The following ABI3BP variants were observed in gnomAD, a reference collection of about 807,000 sequenced individuals.
The protein encoded by ABI3BP is ABI family member 3 binding protein.
A neutral mutation model predicts 268.6 loss-of-function variants in ABI3BP; 216 were observed. The observed-to-expected ratio is 0.80, with a 90% confidence interval of 0.72 to 0.90. The LOEUF is 0.90. Ranked by LOEUF, ABI3BP falls within the 40% of genes least tolerant of loss-of-function variation. The pLI is 0.00. For missense variants in ABI3BP, 2,090 were observed against 2,182.4 expected, an observed-to-expected ratio of 0.96 and a Z score of 0.84; for synonymous variants, 730 against 730.0, an observed-to-expected ratio of 1.00 and a Z score of 0.00.
chr3:100,914,716 GACA>G (rs879782638), intron 2 of ABI3BP, among the ~76,000 whole-genome samples: 2 of 152,292 alleles, frequency 1.3e-5, no homozygotes, highest in Non-Finnish European at 1.5e-5. Flanking sequence ...ATGGGAGGAA[GACA>G]ACGTTAAAGG....
intron 6 of ABI3BP, among the ~76,000 whole-genome samples, chr3:100,882,742 A>G (rs1303540403): frequency 6.6e-6 from 1 of 152,094 alleles, no homozygotes; most frequent in African/African-American, 2.4e-5. Flanking sequence ...ATCTTTCCCA[A>G]TCTTGCTGAG....
Position 100,754,651 on chromosome 3 carries a change from C to T in ABI3BP, c.4891G>A (p.Gly1631Ser). The change falls in exon 64 of 68, where the codon GGC becomes AGC. Residue 1631 changes from glycine (G) to serine (S), a missense_variant. Physicochemically the swap from Gly to Ser is moderately conservative, Grantham distance 56 (BLOSUM62 0). Coordinates refer to ENST00000471714, the MANE Select transcript of ABI3BP (RefSeq NM_001375547.2). ...QVKPKNPLGE[G>S]PVSNTVAFST... ...AATGCCACTGTGTTGCTGACCGGGC[C>T]TTCACCAAGCGGGTTTTTGGGTTTC... 9 of 1,593,150 alleles carry T rather than the reference C, an allele frequency of 5.6e-6. No individual in the cohort carries two copies. The highest frequency in any genetic ancestry group is 7.7e-6 in the Non-Finnish European group (9 of 1,168,822).
chr3:100,981,030 T>C (rs943593996), intron 1 of ABI3BP, among the ~76,000 whole-genome samples: 5 of 152,320 alleles, frequency 3.3e-5, no homozygotes, highest in East Asian at 1.9e-4. Flanking sequence ...TCGAGGGACA[T>C]AGTGATTTAT....
intron 63 of ABI3BP, among the ~76,000 whole-genome samples, chr3:100,763,739 A>T (rs1471025551): frequency 6.6e-6 from 1 of 152,214 alleles, no homozygotes; most frequent in Non-Finnish European, 1.5e-5. Flanking sequence ...AATAAAATGC[A>T]TCTTAGCCCT....
At position 100,801,439 on chromosome 3, in the gene ABI3BP, AAG is replaced by A. The variant is rs1553868213; in HGVS notation, c.3757+3351_3757+3352del. ...TGATATCCTGTCAAAAAAAAAAAAA[AAG>A]AAAAGAAAAGAAAAGAAAAAAAGAT... On this transcript the variant is annotated intron_variant, in intron 51 of 67. Transcript: ENST00000471714. 3.0e-3 allele frequency among the ~76,000 whole-genome samples: 382 copies of A among 127,012 alleles called. 1 individual carries two copies. The highest frequency in any genetic ancestry group is 7.5e-3 in the African/African-American group (235 of 31,376). 83.3% of individuals were successfully genotyped at this position (127,012 alleles called of 152,430 possible).
intron 2 of ABI3BP, chr3:100,911,153 CT>C: frequency 2.6e-6 from 1 of 381,518 alleles, no homozygotes; most frequent in South Asian, 2.8e-5. Context: ...AAGTCTAAGG[CT>C]TTATGCTTAA....
At position 100,749,336 on chromosome 3, in the gene ABI3BP, T is replaced by TAA; in HGVS notation, c.*1157_*1158dup. The TAA allele has an allele frequency of 3.9e-5, 5 of 129,748 alleles. No individual in the cohort carries two copies. The highest frequency in any genetic ancestry group is 2.6e-4 in the East Asian group (2 of 7,764). The allele number at this position is 129,748 out of a possible 1,614,324, so 8.0% of individuals were successfully genotyped here. ...GAAATAACAAACAAAAACTCAATCT[T>TAA]AAAAAAAAACTACATCTCTTTATTG... On this transcript the variant is annotated 3_prime_UTR_variant, in exon 68 of 68. Coordinates refer to ENST00000471714, the MANE Select transcript of ABI3BP (RefSeq NM_001375547.2).
intron 57 of ABI3BP, among the ~76,000 whole-genome samples, chr3:100,786,717 T>C (rs1383937234): frequency 6.6e-6 from 1 of 152,278 alleles, no homozygotes; most frequent in East Asian, 1.9e-4. Context: ...TCTGAAAAAT[T>C]GTGCACCATC....
chr3:100,899,258 C>T (rs1378586330), intron 3 of ABI3BP, among the ~76,000 whole-genome samples: 2 of 152,154 alleles, frequency 1.3e-5, no homozygotes, highest in Non-Finnish European at 2.9e-5. Context: ...AACACACATA[C>T]ACACACTTAA....
chr3:100,836,886 A>C (rs2098601249), intron 27 of ABI3BP, among the ~76,000 whole-genome samples: 1 of 152,232 alleles, frequency 6.6e-6, no homozygotes, highest in Non-Finnish European at 1.5e-5. Context: ...TGACTCAAGC[A>C]ATCTGAATGT....
At position 100,934,346 on chromosome 3, in the gene ABI3BP, T is replaced by C. The variant is rs538218673; in HGVS notation, c.80-7865A>G. ...TTTATGGCTGCATAGTATTCCATGG[T>C]ATATATGTGCCACATTTTCCTTATC... On this transcript the variant is annotated intron_variant, in intron 1 of 67. Transcript: ENST00000471714. Among the ~76,000 whole-genome samples, 46 of 152,200 alleles carry C rather than the reference T, an allele frequency of 3.0e-4. No individual in the cohort carries two copies. In the East Asian group the frequency reaches 8.5e-3, roughly 28 times the overall value.
intron 2 of ABI3BP, among the ~76,000 whole-genome samples, chr3:100,909,372 C>T (rs1367297763): frequency 2.6e-5 from 4 of 151,788 alleles, no homozygotes; most frequent in Non-Finnish European, 4.4e-5. Flanking sequence ...GACTAAAACA[C>T]CAAAAGCAAT....
intron 9 of ABI3BP, among the ~76,000 whole-genome samples, chr3:100,871,841 G>A (rs114951812): frequency 0.026 from 4,019 of 152,078 alleles, 80 homozygotes; most frequent in Middle Eastern, 0.037. Flanking sequence ...TTTATTATTA[G>A]CATCATACTT....
Position 100,926,296 on chromosome 3 carries a change from C to G in ABI3BP, c.259+6G>C. ...TCCTTCCCAGCCCGATACCCAAACA[C>G]CTTACCAACTATAGCTTCTGTGAAT... is the stretch of plus-strand genomic sequence containing the variant. On this transcript the variant is annotated splice_donor_region_variant and intron_variant, in intron 2 of 67. Transcript: ENST00000471714. 1.9e-6 allele frequency: 3 copies of G among 1,613,136 alleles called. No individual in the cohort carries two copies. Among genetic ancestry groups the G allele is most frequent in the Non-Finnish European group, 2.5e-6 (3 of 1,179,336 alleles).
chr3:100,885,613 A>T, intron 5 of ABI3BP, 25 bp from the exon 6 acceptor site: 1 of 1,399,238 alleles, frequency 7.1e-7, no homozygotes, highest in Non-Finnish European at 9.9e-7. Flanking sequence ...GAAAAATAAC[A>T]TTATTTTTAT....
At chr3:100,969,221 A>G (rs949272748) in intron 1 of ABI3BP, among the ~76,000 whole-genome samples, 28 of 152,222 alleles carry the variant, frequency 1.8e-4, no homozygotes, top group African/African-American at 6.3e-4. Flanking sequence ...GATCTTACAT[A>G]TGGAGTACAG....
At chr3:100,970,637 G>T (rs911531552) in intron 1 of ABI3BP, among the ~76,000 whole-genome samples, 2 of 152,198 alleles carry the variant, frequency 1.3e-5, no homozygotes, top group African/African-American at 2.4e-5. Flanking sequence ...TCAGGCTTGA[G>T]GAGGAGGACG....
At chr3:100,975,597 A>C (rs553430706) in intron 1 of ABI3BP, among the ~76,000 whole-genome samples, 1 of 152,238 alleles carries the variant, frequency 6.6e-6, no homozygotes, top group East Asian at 1.9e-4. Flanking sequence ...CAAAAGCCTG[A>C]ATGTTTTGCT....
chr3:100,770,263 G>T (rs1313197772), intron 62 of ABI3BP, among the ~76,000 whole-genome samples: 1 of 152,166 alleles, frequency 6.6e-6, no homozygotes, highest in Non-Finnish European at 1.5e-5. Context: ...GAATTGGTGG[G>T]TGGTAACAGA....
Sources: allele counts gnomAD v4.1 joint callset (sites outside exome capture counted in the v4.1 genomes callset), GRCh38; gene constraint gnomAD v4.1.1; transcripts MANE v1.5; gene names NCBI Gene and HGNC (gene_info 2026-07-23, HGNC 2026-07-21).